The following SGCG variants were observed in gnomAD, a reference collection of about 807,000 sequenced individuals.
SGCG encodes the protein gamma-sarcoglycan.
SGCG carries 26 observed loss-of-function variants against 29.3 expected under a neutral mutation model. That is an observed-to-expected ratio of 0.89 (90% CI 0.65 to 1.23). SGCG has a LOEUF of 1.23. Ranked by LOEUF, SGCG falls within the 50% of genes most tolerant of loss-of-function variation. The pLI, the probability that SGCG is intolerant of heterozygous loss-of-function variation, is 0.00. For synonymous variants in SGCG, 145 were observed against 129.7 expected (o/e 1.12, Z -0.80); for missense variants, 353 against 356.0 (o/e 0.99, Z 0.07).
chr13:23,302,285 A>C (rs1380850158), intron 6 of SGCG, among the ~76,000 whole-genome samples: 1 of 151,466 alleles, frequency 6.6e-6, no homozygotes, highest in Non-Finnish European at 1.5e-5. Flanking sequence ...ATATATAATT[A>C]CTTCTAGTGA....
intron 6 of SGCG, among the ~76,000 whole-genome samples, chr13:23,317,910 T>C (rs183308666): frequency 2.0e-5 from 3 of 152,166 alleles, no homozygotes; most frequent in Non-Finnish European, 4.4e-5. Context: ...GAGATTATCA[T>C]TGGAGTTAGT....
At chr13:23,261,112 A>G (rs1408726415) in intron 4 of SGCG, among the ~76,000 whole-genome samples, 1 of 152,106 alleles carries the variant, frequency 6.6e-6, no homozygotes, top group African/African-American at 2.4e-5. Flanking sequence ...GTTCTGCTGG[A>G]TAATATCCTG....
chr13:23,167,706 G>A, the SGCG span, among the ~76,000 whole-genome samples: 1 of 151,080 alleles, frequency 6.6e-6, no homozygotes, highest in African/African-American at 2.4e-5. Context: ...CTTCTTTTGA[G>A]AAATATATAT....
rs183550238 is a variant in SGCG at position 23,260,240 on chromosome 13, C to G, written c.385+9523C>G. ...AATCTGGGTGCTCCTGTATTGGGTGCATATATATTTAGGATAGTCAGCTCT... is the reference window on the plus strand; with the variant it reads ...AATCTGGGTGCTCCTGTATTGGGTGGATATATATTTAGGATAGTCAGCTCT... On this transcript the variant is annotated intron_variant, in intron 4 of 7. Transcript: ENST00000218867. Among the ~76,000 whole-genome samples the G allele has an allele frequency of 6.5e-3, 991 of 152,238 alleles. 6 individuals are homozygous for G. The highest frequency in any genetic ancestry group is 0.023 in the African/African-American group (948 of 41,542).
At chr13:23,223,518 T>G (rs150692251) in intron 2 of SGCG, among the ~76,000 whole-genome samples, 1,804 of 152,284 alleles carry the variant, frequency 0.012, 16 homozygotes, top group Non-Finnish European at 0.018. Context: ...AGTGAAAATG[T>G]ATATATTAGA....
At chr13:23,316,334 A>G (rs957503751) in intron 6 of SGCG, among the ~76,000 whole-genome samples, 1 of 152,194 alleles carries the variant, frequency 6.6e-6, no homozygotes, top group Non-Finnish European at 1.5e-5. Flanking sequence ...GGAATGCCTT[A>G]TCCACCATCA....
chr13:23,228,664 A>G (rs1490583656), intron 2 of SGCG, among the ~76,000 whole-genome samples: 1 of 151,562 alleles, frequency 6.6e-6, no homozygotes, highest in Non-Finnish European at 1.5e-5. Context: ...GTTCCCCTCT[A>G]TGTTTCCATG....
At chr13:23,296,621 C>G (rs1450750506) in intron 6 of SGCG, among the ~76,000 whole-genome samples, 1 of 152,170 alleles carries the variant, frequency 6.6e-6, no homozygotes, top group Non-Finnish European at 1.5e-5. Context: ...CACCATTCTA[C>G]TTTCTGTCTC....
intron 6 of SGCG, among the ~76,000 whole-genome samples, chr13:23,317,491 G>A (rs779731548): frequency 3.3e-5 from 5 of 151,776 alleles, no homozygotes; most frequent in Non-Finnish European, 5.9e-5. Flanking sequence ...CTACGAACAC[G>A]TGACCAGCTT....
upstream of SGCG, among the ~76,000 whole-genome samples, chr13:23,176,689 A>C (rs1163416585): frequency 2.0e-5 from 3 of 152,072 alleles, no homozygotes; most frequent in Admixed American, 2.0e-4. Flanking sequence ...ATTCAGCCAC[A>C]CTATACCTTT....
At chr13:23,286,213 A>G (rs1234493360) in intron 5 of SGCG, among the ~76,000 whole-genome samples, 1 of 152,238 alleles carries the variant, frequency 6.6e-6, no homozygotes, top group Non-Finnish European at 1.5e-5. Context: ...CTGGTCTCTC[A>G]CCATTACAGG....
chr13:23,236,852 A>T (rs1288320150), intron 3 of SGCG, among the ~76,000 whole-genome samples: 1 of 152,168 alleles, frequency 6.6e-6, no homozygotes, highest in Non-Finnish European at 1.5e-5. Flanking sequence ...AAAATTCAGT[A>T]ACAATTTGAA....
At chr13:23,246,609 A>T (rs1317895504) in intron 3 of SGCG, 2 of 200,366 alleles carry the variant, frequency 1.0e-5, no homozygotes. Flanking sequence ...GCCCATTATT[A>T]TAATGACTAT....
chr13:23,203,848 G>C lies in SGCG; in HGVS notation c.154G>C (p.Ala52Pro). 1 of 1,613,946 alleles carries C rather than the reference G, an allele frequency of 6.2e-7. No homozygotes were observed. The highest frequency in any genetic ancestry group is 8.5e-7 in the Non-Finnish European group (1 of 1,179,832). ...LLLIILVVNL[A>P]LTIWILKVMW... ...ACTCATCATCCTCGTTGTGAATTTA[G>C]CTCTTACAATTTGGATTCTTAAAGT... Residue 52 changes from alanine to proline, a missense_variant, in exon 2 of 8, where the codon GCT (alanine) becomes CCT (proline). Physicochemically the swap from Ala to Pro is conservative, Grantham distance 27. Coordinates refer to ENST00000218867, the MANE Select transcript of SGCG (RefSeq NM_000231.3).
At chr13:23,303,112 T>C (rs940772744) in intron 6 of SGCG, among the ~76,000 whole-genome samples, 1 of 152,270 alleles carries the variant, frequency 6.6e-6, no homozygotes, top group African/African-American at 2.4e-5. Context: ...TTTTTTAATT[T>C]TCCCTTGCAC....
At chr13:23,229,673 C>T (rs1879033006) in intron 2 of SGCG, among the ~76,000 whole-genome samples, 1 of 152,096 alleles carries the variant, frequency 6.6e-6, no homozygotes, top group South Asian at 2.1e-4. Flanking sequence ...CTTGTAGATT[C>T]TGGATATTAG....
chr13:23,169,565 G>C, the SGCG span, among the ~76,000 whole-genome samples: 2 of 151,870 alleles, frequency 1.3e-5, no homozygotes, highest in Non-Finnish European at 2.9e-5. Flanking sequence ...TGTAGTCCCA[G>C]CTACTCAGTA....
At chr13:23,174,411 A>T in the SGCG span, among the ~76,000 whole-genome samples, 1 of 152,236 alleles carries the variant, frequency 6.6e-6, no homozygotes, top group Non-Finnish European at 1.5e-5. Context: ...AAACAAGGGA[A>T]GTGGAGGTTA....
chr13:23,300,341 G>A (rs888653756), intron 6 of SGCG, among the ~76,000 whole-genome samples: 5 of 152,206 alleles, frequency 3.3e-5, no homozygotes, highest in African/African-American at 9.6e-5. Flanking sequence ...AGTAGAGGAA[G>A]AGTTAAGCTA....
Sources: gnomAD v4.1 joint callset for allele counts (sites outside exome capture counted in the v4.1 genomes callset) on GRCh38, gnomAD v4.1.1 for gene constraint, MANE v1.5 for transcripts, NCBI Gene and HGNC (gene_info 2026-07-23, HGNC 2026-07-21) for gene names.